Variants in MMP2 observed in about 807,000 individuals in gnomAD.
MMP2 encodes matrix metallopeptidase 2.
MMP2 carries 39 observed loss-of-function variants against 74.8 expected under a neutral mutation model. The ratio of observed to expected loss-of-function variants is 0.52; its 90% confidence interval spans 0.40 to 0.68. The LOEUF is 0.68. Among genes scored for constraint, MMP2 ranks in the 30% least tolerant of loss-of-function variants. MMP2 has a pLI of 0.00. For synonymous variants in MMP2, 367 were observed against 339.8 expected (o/e 1.08, Z -0.88); for missense variants, 803 against 878.3 (o/e 0.91, Z 1.08).
chr16:55,495,030 G>T (rs1190706513), intron 9 of MMP2, among the ~76,000 whole-genome samples: 1 of 152,214 alleles, frequency 6.6e-6, no homozygotes, highest in African/African-American at 2.4e-5. Context: ...TCTACTCTAG[G>T]CACTGGGCCA....
chr16:55,489,568 T>G, intron 6 of MMP2, 83 bp from the exon 7 acceptor site: 1 of 1,544,922 alleles, frequency 6.5e-7, no homozygotes, highest in Non-Finnish European at 8.9e-7. Flanking sequence ...GTGTGGTTCA[T>G]TAAGGTCAGC....
At chr16:55,501,517 A>T (rs554366319) in intron 11 of MMP2, among the ~76,000 whole-genome samples, 2 of 152,284 alleles carry the variant, frequency 1.3e-5, no homozygotes, top group East Asian at 3.9e-4. Context: ...GGTGCCTTGG[A>T]TGGGAGTGTT....
At chr16:55,493,720 A>C (rs1962470333) in intron 9 of MMP2, among the ~76,000 whole-genome samples, 2 of 152,250 alleles carry the variant, frequency 1.3e-5, no homozygotes, top group African/African-American at 4.8e-5. Flanking sequence ...CCTAGAGGGT[A>C]GTACTGCAAA....
intron 9 of MMP2, among the ~76,000 whole-genome samples, chr16:55,495,149 C>T (rs577206545): frequency 2.6e-5 from 4 of 152,286 alleles, no homozygotes; most frequent in East Asian, 1.9e-4. Flanking sequence ...AATCAGGTCC[C>T]GTCAGGCCTC....
At chr16:55,498,040 G>A (rs924081185) in intron 10 of MMP2, among the ~76,000 whole-genome samples, 8 of 152,200 alleles carry the variant, frequency 5.3e-5, no homozygotes, top group Non-Finnish European at 1.2e-4. Flanking sequence ...TAGAGTGCAC[G>A]ACTTGGTGAG....
rs1373259369 is a variant in MMP2, at chr16:55,488,675, A to C, written c.965A>C (p.Asp322Ala). The change falls in exon 6 of 13, where the codon GAC (aspartate) becomes GCC (alanine). Residue 322 changes from aspartate to alanine, a missense_variant. Coordinates refer to ENST00000219070, the MANE Select transcript of MMP2 (RefSeq NM_004530.6). ...TACCGCTGGTGCGGCACCACTGAGG[A>C]CTACGACCGCGACAAGAAGTATGGC... is the stretch of plus-strand genomic sequence containing the variant. ...DGYRWCGTTE[D>A]YDRDKKYGFC... 1 of 1,612,072 alleles carries C rather than the reference A, an allele frequency of 6.2e-7. No homozygotes were observed. The highest frequency in any genetic ancestry group is 8.5e-7 in the Non-Finnish European group (1 of 1,179,290).
rs1416931226 is a variant in MMP2 at position 55,497,053 on chromosome 16, T to C, written c.1600T>C (p.Phe534Leu). The C allele has an allele frequency of 6.2e-7, 1 of 1,614,104 alleles. No homozygotes were observed. Among genetic ancestry groups the C allele is most frequent in the Non-Finnish European group, 8.5e-7 (1 of 1,180,028 alleles). ...YEAPQEEKAV[F>L]FAGNEYWIYS... Reference sequence around the variant, plus strand: ...GGCCCCACAGGAGGAGAAGGCTGTGTTCTTTGCAGGTGTGTGGGAAGCACC... The same window carrying C: ...GGCCCCACAGGAGGAGAAGGCTGTGCTCTTTGCAGGTGTGTGGGAAGCACC... Residue 534 changes from phenylalanine (F) to leucine (L), a missense_variant, in exon 10 of 13, where the codon TTC becomes CTC. Physicochemically the swap from Phe to Leu is conservative, Grantham distance 22. This residue lies in a region of MMP2 where 555 missense variants were observed against 592.0 expected (regional missense o/e 0.94). Transcript: ENST00000219070.
intron 12 of MMP2, among the ~76,000 whole-genome samples, chr16:55,503,299 C>T (rs1197786377): frequency 1.3e-5 from 2 of 152,234 alleles, no homozygotes; most frequent in African/African-American, 4.8e-5. Context: ...CTTTGTCATG[C>T]TCTGTTGCTC....
chr16:55,489,828 C>A lies in MMP2; in HGVS notation c.1180+4C>A, dbSNP rs1163260711. 6 of 1,613,790 alleles carry A rather than the reference C, an allele frequency of 3.7e-6. No individual in the cohort carries two copies. The highest frequency in any genetic ancestry group is 5.1e-6 in the Non-Finnish European group (6 of 1,179,862). On this transcript the variant is annotated splice_donor_region_variant and intron_variant, in intron 7 of 12. Coordinates refer to ENST00000219070, the MANE Select transcript of MMP2 (RefSeq NM_004530.6). Reference sequence around the variant, plus strand: ...TGGGGCTTCTGCCCTGACCAAGGTACGAGGCCCTGGTCATTGGACAGAGAC... The same window carrying A: ...TGGGGCTTCTGCCCTGACCAAGGTAAGAGGCCCTGGTCATTGGACAGAGAC...
chr16:55,490,250 G>A (rs1030572056), intron 7 of MMP2, among the ~76,000 whole-genome samples: 2 of 152,238 alleles, frequency 1.3e-5, no homozygotes, highest in African/African-American at 4.8e-5. Context: ...GTGCCTTCAA[G>A]GAGCTGGTAG....
intron 11 of MMP2, among the ~76,000 whole-genome samples, chr16:55,501,657 G>C (rs1359954197): frequency 7.0e-6 from 1 of 143,280 alleles, no homozygotes; most frequent in African/African-American, 3.0e-5. Context: ...TGATGGCTGA[G>C]GGAGAAGTCC....
At chr16:55,503,592 G>A (rs1261472102) in intron 12 of MMP2, among the ~76,000 whole-genome samples, 1 of 151,930 alleles carries the variant, frequency 6.6e-6, no homozygotes, top group East Asian at 1.9e-4. Flanking sequence ...AAAATGCAGT[G>A]TACAATCAGA....
chr16:55,485,969 C>A (rs1962238469), intron 5 of MMP2, among the ~76,000 whole-genome samples, 192 bp downstream of exon 5: 1 of 152,180 alleles, frequency 6.6e-6, no homozygotes, highest in Admixed American at 6.5e-5. Flanking sequence ...CCACCAGTAC[C>A]ATGATGAACG....
At chr16:55,503,160 G>C (rs571263923) in intron 12 of MMP2, among the ~76,000 whole-genome samples, 1 of 152,332 alleles carries the variant, frequency 6.6e-6, no homozygotes, top group East Asian at 1.9e-4. Flanking sequence ...CCTGGGCCAG[G>C]GGAGAAGGAA....
intron 12 of MMP2, among the ~76,000 whole-genome samples, chr16:55,503,986 C>T (rs1377761066): frequency 6.6e-6 from 1 of 152,098 alleles, no homozygotes; most frequent in Non-Finnish European, 1.5e-5. Flanking sequence ...GACTCTATCT[C>T]TACAAAAAAA....
chr16:55,493,037 C>G (rs1480417418), intron 8 of MMP2, 121 bp from the exon 9 acceptor site: 3 of 1,245,204 alleles, frequency 2.4e-6, no homozygotes, highest in Non-Finnish European at 3.4e-6. Context: ...GGAGCTTACA[C>G]TAAGGCCAGA....
Position 55,502,877 on chromosome 16 carries a change from T to C in MMP2, c.1868T>C (p.Leu623Pro), listed in dbSNP as rs1407169656. ...IPDNLDAVVD[L>P]QGGGHSYFFK... ...GATAACCTGGATGCCGTCGTGGACC[T>C]GCAGGGCGGCGGTGAGCCACCCAGG... Residue 623 changes from leucine (L) to proline (P), a missense_variant, in exon 12 of 13, where the codon CTG becomes CCG. This residue lies in a region of MMP2 where 555 missense variants were observed against 592.0 expected (regional missense o/e 0.94). Coordinates refer to ENST00000219070, the MANE Select transcript of MMP2 (RefSeq NM_004530.6). 1.2e-6 allele frequency: 2 copies of C among 1,613,548 alleles called. No individual in the cohort carries two copies. The highest frequency in any genetic ancestry group is 2.2e-5 in the South Asian group (2 of 91,060).
Position 55,498,384 on chromosome 16 carries a change from G to T in MMP2, c.1705G>T (p.Asp569Tyr). The change falls in exon 11 of 13, where the codon GAT (aspartate) becomes TAT (tyrosine). Residue 569 changes from aspartate (D) to tyrosine (Y), a missense_variant. This residue lies in a region of MMP2 where 555 missense variants were observed against 592.0 expected (regional missense o/e 0.94). Coordinates refer to ENST00000219070, the MANE Select transcript of MMP2 (RefSeq NM_004530.6). ...LGLPPDVQRV[D>Y]AAFNWSKNKK... Reference sequence around the variant, plus strand: ...ACTGCCCCCTGATGTCCAGCGAGTGGATGCCGCCTTTAACTGGAGCAAAAA... The same window carrying T: ...ACTGCCCCCTGATGTCCAGCGAGTGTATGCCGCCTTTAACTGGAGCAAAAA... The T allele has an allele frequency of 6.2e-7, 1 of 1,614,244 alleles. No individual in the cohort carries two copies. Among genetic ancestry groups the T allele is most frequent in the Non-Finnish European group, 8.5e-7 (1 of 1,180,056 alleles).
chr16:55,500,494 T>TACACACACACACAA (rs373871004), intron 11 of MMP2, among the ~76,000 whole-genome samples: 4 of 136,194 alleles, frequency 2.9e-5, no homozygotes, highest in African/African-American at 1.1e-4. Flanking sequence ...CATGTGCGCA[T>TACACACACACACAA]ACACACACAC....
Sources: allele counts gnomAD v4.1 joint callset (sites outside exome capture counted in the v4.1 genomes callset), GRCh38; gene constraint gnomAD v4.1.1; regional missense constraint gnomAD v4.1.1; transcripts MANE v1.5; gene names NCBI Gene and HGNC (gene_info 2026-07-23, HGNC 2026-07-21).